The following HS3ST4 variants were observed in gnomAD, a reference collection of about 807,000 sequenced individuals.
HS3ST4 encodes heparan sulfate glucosamine 3-O-sulfotransferase 4.
In HS3ST4, 17 loss-of-function variants were observed where a neutral mutation model predicts 29.2. The observed-to-expected ratio is 0.58, with a 90% CI of 0.40 to 0.87. The LOEUF (loss-of-function observed/expected upper bound fraction) is 0.87. Ranked by LOEUF, HS3ST4 falls within the 40% of genes least tolerant of loss-of-function variation. The probability of loss-of-function intolerance (pLI) is 0.00; values close to 1 mark genes in which losing one functional copy is unlikely to be tolerated. For missense variants in HS3ST4, 627 were observed against 634.5 expected (o/e 0.99, Z 0.13); for synonymous variants, 314 against 285.7 (o/e 1.10, Z -1.00).
chr16:25,692,853 C>T lies in HS3ST4; in HGVS notation c.436C>T (p.Pro146Ser). 6.8e-7 allele frequency: 1 copy of T among 1,473,140 alleles called. No individual in the cohort carries two copies. Among genetic ancestry groups the T allele is most frequent in the South Asian group, 1.3e-5 (1 of 74,346 alleles). The allele number at this position is 1,473,140 out of a possible 1,614,324, so 91.3% of individuals were successfully genotyped here. Residue 146 changes from proline (P) to serine (S), a missense_variant, in exon 1 of 2, where the codon CCC (proline) becomes TCC (serine). By Grantham distance (74) the Pro-to-Ser change is moderately conservative. This residue lies in a region of HS3ST4 where 402 missense variants were observed against 340.8 expected (regional missense o/e 1.18). Transcript: ENST00000331351. ...QDAWLRTPLA[P>S]SEMITAQSAL... ...CGCCTGGCTCCGGACCCCGCTGGCC[C>T]CCAGCGAGATGATCACGGCTCAGAG...
intron 1 of HS3ST4, among the ~76,000 whole-genome samples, chr16:25,871,173 G>C (rs1460053089): frequency 1.3e-5 from 2 of 152,146 alleles, no homozygotes; most frequent in East Asian, 3.9e-4. Context: ...CGGGGTGATG[G>C]AGGTGGCAGG....
chr16:26,058,491 C>G (rs1898438223), intron 1 of HS3ST4, among the ~76,000 whole-genome samples: 1 of 152,132 alleles, frequency 6.6e-6, no homozygotes. Context: ...ACATGGCTCA[C>G]AGGCACAGCA....
intron 1 of HS3ST4, among the ~76,000 whole-genome samples, chr16:26,068,059 A>G (rs1567305478): frequency 1.3e-5 from 2 of 152,232 alleles, no homozygotes; most frequent in Non-Finnish European, 2.9e-5. Context: ...CAATCCTGGA[A>G]TAGACATAGA....
chr16:25,798,618 A>T (rs1409246443), intron 1 of HS3ST4, among the ~76,000 whole-genome samples: 1 of 152,238 alleles, frequency 6.6e-6, no homozygotes, highest in Non-Finnish European at 1.5e-5. Flanking sequence ...GTCCCTCCAC[A>T]GTGAATATTT....
At chr16:25,932,849 C>A (rs1275787077) in intron 1 of HS3ST4, among the ~76,000 whole-genome samples, 1 of 152,198 alleles carries the variant, frequency 6.6e-6, no homozygotes, top group African/African-American at 2.4e-5. Flanking sequence ...AGCTTGGTTT[C>A]TAAACCTAGA....
chr16:25,786,352 A>G (rs374089656), intron 1 of HS3ST4, among the ~76,000 whole-genome samples: 14 of 152,252 alleles, frequency 9.2e-5, no homozygotes, highest in African/African-American at 2.9e-4. Context: ...GTGAGTCTCA[A>G]TCTCCTCTTA....
At chr16:26,072,962 A>C (rs558267025) in intron 1 of HS3ST4, among the ~76,000 whole-genome samples, 17 of 152,352 alleles carry the variant, frequency 1.1e-4, no homozygotes, top group Non-Finnish European at 2.1e-4. Context: ...TGCTTAAGTA[A>C]AGCATCCTTT....
At chr16:25,861,486 C>T (rs12918290) in intron 1 of HS3ST4, among the ~76,000 whole-genome samples, 33,398 of 152,180 alleles carry the variant, frequency 0.22, 4,830 homozygotes, top group Non-Finnish European at 0.33. Flanking sequence ...TGACTTAAAT[C>T]GTTGGCATAT....
chr16:25,839,448 C>T (rs1426042083), intron 1 of HS3ST4, among the ~76,000 whole-genome samples: 2 of 152,162 alleles, frequency 1.3e-5, no homozygotes, highest in African/African-American at 4.8e-5. Flanking sequence ...TAATTTTCTA[C>T]CTTTAAGACA....
chr16:25,760,672 G>A (rs1407746459), intron 1 of HS3ST4, among the ~76,000 whole-genome samples: 2 of 152,164 alleles, frequency 1.3e-5, no homozygotes, highest in East Asian at 3.9e-4. Flanking sequence ...ACCCACCTTG[G>A]CCTCCCAAAG....
chr16:25,749,607 G>A (rs1966706576), intron 1 of HS3ST4, among the ~76,000 whole-genome samples: 1 of 152,250 alleles, frequency 6.6e-6, no homozygotes, highest in African/African-American at 2.4e-5. Flanking sequence ...AAGGCTGCCT[G>A]CCTTAGTCCT....
At chr16:25,767,217 A>C (rs556900636) in intron 1 of HS3ST4, among the ~76,000 whole-genome samples, 3 of 152,316 alleles carry the variant, frequency 2.0e-5, no homozygotes, top group African/African-American at 7.2e-5. Flanking sequence ...CGGATAAGGC[A>C]ATGCCATAGT....
chr16:25,955,355 G>A (rs1968721296), intron 1 of HS3ST4, among the ~76,000 whole-genome samples: 1 of 152,134 alleles, frequency 6.6e-6, no homozygotes, highest in Non-Finnish European at 1.5e-5. Context: ...CTCGTCAGTT[G>A]CTTTATAGCC....
intron 1 of HS3ST4, among the ~76,000 whole-genome samples, chr16:25,962,005 G>T (rs901666804): frequency 6.6e-6 from 1 of 152,174 alleles, no homozygotes; most frequent in African/African-American, 2.4e-5. Flanking sequence ...TTTAAGCTTT[G>T]AGATAATTTG....
intron 1 of HS3ST4, among the ~76,000 whole-genome samples, chr16:26,134,088 T>G (rs1898246473): frequency 6.6e-6 from 1 of 152,112 alleles, no homozygotes; most frequent in Non-Finnish European, 1.5e-5. Flanking sequence ...TCAAACCCCT[T>G]TAATATTAAT....
chr16:25,764,511 G>A (rs540393517), intron 1 of HS3ST4, among the ~76,000 whole-genome samples: 20 of 152,296 alleles, frequency 1.3e-4, no homozygotes, highest in African/African-American at 4.6e-4. Context: ...GTGTATGTGC[G>A]TGTTTTTTCC....
Position 26,136,856 on chromosome 16 carries a change from C to T in HS3ST4, c.*608C>T, listed in dbSNP as rs368101155. On this transcript the variant is annotated 3_prime_UTR_variant, in exon 2 of 2. Transcript: ENST00000331351. ...AAGGCAGAGGCATGCACATTCCTCACTGAAAAAGAAAACACACACCCACCC... is the reference window on the plus strand; with the variant it reads ...AAGGCAGAGGCATGCACATTCCTCATTGAAAAAGAAAACACACACCCACCC... 6 of 153,374 alleles carry T rather than the reference C, an allele frequency of 3.9e-5. No individual in the cohort carries two copies. The highest frequency in any genetic ancestry group is 1.4e-4 in the African/African-American group (6 of 41,534). 9.5% of individuals were successfully genotyped at this position (153,374 alleles called of 1,614,324 possible). A position where few individuals can be genotyped will look rare whatever the true frequency, so the allele number is the denominator to read the frequency against.
chr16:25,817,946 A>G (rs1259786427), intron 1 of HS3ST4, among the ~76,000 whole-genome samples: 2 of 152,192 alleles, frequency 1.3e-5, no homozygotes, highest in Non-Finnish European at 2.9e-5. Flanking sequence ...GGAAGGCAGG[A>G]ATTAGTGTGT....
chr16:26,097,548 G>A (rs1898940938), intron 1 of HS3ST4, among the ~76,000 whole-genome samples: 1 of 152,164 alleles, frequency 6.6e-6, no homozygotes, highest in African/African-American at 2.4e-5. Context: ...AGCTGAAACT[G>A]GATCCCTTCC....
Sources: gnomAD v4.1 joint callset for allele counts (sites outside exome capture counted in the v4.1 genomes callset) on GRCh38, gnomAD v4.1.1 for gene constraint, gnomAD v4.1.1 regional missense constraint, MANE v1.5 for transcripts, NCBI Gene and HGNC (gene_info 2026-07-23, HGNC 2026-07-21) for gene names.